The following ARL8B variants were observed in gnomAD, a reference collection of about 807,000 sequenced individuals.
The protein encoded by ARL8B is ARF like GTPase 8B, also known as ADP-ribosylation factor-like protein 8B.
In ARL8B, 9 loss-of-function variants were observed where a neutral mutation model predicts 30.6. That is an observed-to-expected ratio of 0.29 (90% CI 0.18 to 0.51). ARL8B has a LOEUF of 0.51. Among genes scored for constraint, ARL8B ranks in the 20% least tolerant of loss-of-function variants. The pLI is 0.97. For missense variants in ARL8B, 130 were observed against 227.2 expected (o/e 0.57, Z 2.75); for synonymous variants, 74 against 76.0 (o/e 0.97, Z 0.14).
chr3:5,128,188 A>T (rs1235393176), intron 1 of ARL8B, among the ~76,000 whole-genome samples: 1 of 151,606 alleles, frequency 6.6e-6, no homozygotes, highest in African/African-American at 2.4e-5. Context: ...AAAAAAGCAG[A>T]AATAATTTTG....
Position 5,179,257 on chromosome 3 carries a change from A to G in ARL8B, c.*544A>G, listed in dbSNP as rs1366623047. 6.6e-6 allele frequency: 1 copy of G among 152,626 alleles called. No homozygotes were observed. Among genetic ancestry groups the G allele is most frequent in the Non-Finnish European group, 1.5e-5 (1 of 68,070 alleles). 9.5% of individuals were successfully genotyped at this position (152,626 alleles called of 1,614,324 possible). ...CTCACAAATGCATGTGAAATGTATAATTACATCTTAGGAATCCAAAATGGT... is the reference window on the plus strand; with the variant it reads ...CTCACAAATGCATGTGAAATGTATAGTTACATCTTAGGAATCCAAAATGGT... On this transcript the variant is annotated 3_prime_UTR_variant, in exon 7 of 7. Transcript: ENST00000256496.
At chr3:5,154,714 A>G (rs1187895149) in intron 1 of ARL8B, among the ~76,000 whole-genome samples, 10 of 151,668 alleles carry the variant, frequency 6.6e-5, no homozygotes, top group Admixed American at 5.9e-4. Context: ...AGCAACCACT[A>G]TTCTACATTC....
chr3:5,165,004 G>C (rs1316431655), intron 1 of ARL8B, among the ~76,000 whole-genome samples: 4 of 152,150 alleles, frequency 2.6e-5, no homozygotes, highest in Non-Finnish European at 4.4e-5. Context: ...CTACATAGGG[G>C]ATATTGTGTC....
chr3:5,139,037 C>G (rs541301421), intron 1 of ARL8B, among the ~76,000 whole-genome samples: 2 of 152,060 alleles, frequency 1.3e-5, no homozygotes, highest in South Asian at 2.1e-4. Context: ...CTAAAAGATT[C>G]CATACACTGT....
At chr3:5,151,265 A>G (rs1046758009) in intron 1 of ARL8B, among the ~76,000 whole-genome samples, 1 of 151,896 alleles carries the variant, frequency 6.6e-6, no homozygotes, top group Admixed American at 6.6e-5. Context: ...TTAATTTGAG[A>G]CATTTCTTCT....
At chr3:5,172,581 A>G (rs148119316) in intron 3 of ARL8B, 66 bp from the exon 4 acceptor site, 415 of 1,051,680 alleles carry the variant, frequency 3.9e-4, no homozygotes, top group Non-Finnish European at 5.0e-4. Flanking sequence ...TTAAAAATCA[A>G]TAATACTAGT....
intron 1 of ARL8B, among the ~76,000 whole-genome samples, chr3:5,129,825 C>G (rs2054266307): frequency 1.3e-5 from 2 of 152,270 alleles, no homozygotes; most frequent in Middle Eastern, 3.4e-3. Context: ...GAAGACCAGC[C>G]TGGGCAACAT....
At chr3:5,155,066 A>G (rs2054520090) in intron 1 of ARL8B, among the ~76,000 whole-genome samples, 1 of 152,136 alleles carries the variant, frequency 6.6e-6, no homozygotes, top group Non-Finnish European at 1.5e-5. Flanking sequence ...CAACCTGCAG[A>G]ATTCCCTTTA....
chr3:5,125,424 G>A (rs915263349), intron 1 of ARL8B, among the ~76,000 whole-genome samples: 10 of 151,932 alleles, frequency 6.6e-5, no homozygotes, highest in African/African-American at 1.2e-4. Context: ...GAAAGTAATC[G>A]CATCATGTGT....
chr3:5,155,330 ATCTG>A (rs1482229164), intron 1 of ARL8B, among the ~76,000 whole-genome samples: 3 of 152,076 alleles, frequency 2.0e-5, no homozygotes, highest in South Asian at 2.1e-4. Flanking sequence ...TCAAGATTAT[ATCTG>A]TCTTTGTCTT....
intron 1 of ARL8B, among the ~76,000 whole-genome samples, chr3:5,137,157 T>A (rs572439912): frequency 1.3e-5 from 2 of 152,054 alleles, no homozygotes; most frequent in East Asian, 3.9e-4. Context: ...AGTTTCCTCA[T>A]TGGGGATTTG....
At chr3:5,142,552 T>C (rs1029898989) in intron 1 of ARL8B, among the ~76,000 whole-genome samples, 2 of 152,196 alleles carry the variant, frequency 1.3e-5, no homozygotes, top group East Asian at 3.8e-4. Context: ...GCAGTCACTC[T>C]TGTTGAAGGC....
At chr3:5,174,682 TTATA>T (rs546917848) in intron 6 of ARL8B, among the ~76,000 whole-genome samples, 3 of 55,880 alleles carry the variant, frequency 5.4e-5, no homozygotes, top group Non-Finnish European at 9.5e-5. Context: ...GTAATATGTA[TTATA>T]TATTATATGT....
chr3:5,126,499 A>T (rs1465455254), intron 1 of ARL8B, among the ~76,000 whole-genome samples: 1 of 152,238 alleles, frequency 6.6e-6, no homozygotes, highest in Non-Finnish European at 1.5e-5. Context: ...TGCCTTAAAC[A>T]TTAAGGAAGA....
chr3:5,134,203 C>T lies in ARL8B; in HGVS notation c.123+11615C>T, dbSNP rs149701317. Among the ~76,000 whole-genome samples the T allele has an allele frequency of 5.3e-5, 8 of 152,204 alleles. No individual in the cohort carries two copies. The East Asian group carries it at 7.7e-4, about 15-fold the overall frequency. ...ATTTCTACTGATTGCTGTCACTTAC[C>T]GTACCCTGCTGATGACTCGTTTTGC... On this transcript the variant is annotated intron_variant, in intron 1 of 6. Coordinates refer to ENST00000256496, the MANE Select transcript of ARL8B (RefSeq NM_018184.3).
intron 2 of ARL8B, among the ~76,000 whole-genome samples, chr3:5,171,890 A>G (rs1020754274): frequency 2.0e-5 from 3 of 152,224 alleles, no homozygotes; most frequent in East Asian, 1.9e-4. Flanking sequence ...CAGGCAAACT[A>G]TTGCACATAA....
intron 1 of ARL8B, among the ~76,000 whole-genome samples, chr3:5,131,257 T>C (rs2054280707): frequency 6.6e-6 from 1 of 152,162 alleles, no homozygotes; most frequent in African/African-American, 2.4e-5. Context: ...TGCCAATACA[T>C]GGACTTCATC....
At chr3:5,152,345 T>C (rs1429609714) in intron 1 of ARL8B, among the ~76,000 whole-genome samples, 3 of 152,242 alleles carry the variant, frequency 2.0e-5, no homozygotes, top group African/African-American at 7.2e-5. Context: ...TTATCCTTGG[T>C]ATATTTTCTT....
chr3:5,159,429 C>T (rs1380129844), intron 1 of ARL8B, among the ~76,000 whole-genome samples: 2 of 151,166 alleles, frequency 1.3e-5, no homozygotes, highest in Non-Finnish European at 2.9e-5. Context: ...ATGGAGAAAC[C>T]CTGTCTCTAC....
Sources: gnomAD v4.1 joint callset for allele counts (sites outside exome capture counted in the v4.1 genomes callset) on GRCh38, gnomAD v4.1.1 for gene constraint, MANE v1.5 for transcripts, NCBI Gene and HGNC (gene_info 2026-07-23, HGNC 2026-07-21) for gene names.